The following PRKG1 variants were observed in gnomAD, a reference collection of about 807,000 sequenced individuals.
PRKG1 encodes protein kinase cGMP-dependent 1, also known as cGMP-dependent protein kinase 1.
Under a neutral mutation model 88.1 loss-of-function variants are expected in PRKG1, and 35 were observed. The observed-to-expected ratio is 0.40, with a 90% confidence interval of 0.30 to 0.53. The LOEUF (loss-of-function observed/expected upper bound fraction) is 0.53, where lower values mean the gene tolerates loss of function less well. PRKG1 is among the 20% of genes least tolerant of loss of function. The pLI, the probability that PRKG1 is intolerant of heterozygous loss-of-function variation, is 0.59. For synonymous variants in PRKG1, 303 were observed against 292.5 expected, an observed-to-expected ratio of 1.04 and a Z score of -0.37; for missense variants, 540 against 839.8, an observed-to-expected ratio of 0.64 and a Z score of 4.41.
chr10:51,406,301 G>C (rs1837911702), intron 2 of PRKG1, among the ~76,000 whole-genome samples: 1 of 152,172 alleles, frequency 6.6e-6, no homozygotes, highest in Non-Finnish European at 1.5e-5. Context: ...CCTGGCTCAG[G>C]TGCAGAGGAA....
intron 2 of PRKG1, among the ~76,000 whole-genome samples, chr10:51,316,986 A>T (rs1472566132): frequency 1.3e-5 from 2 of 152,140 alleles, no homozygotes; most frequent in Non-Finnish European, 2.9e-5. Context: ...TCCCACACAC[A>T]ATCTGCAGGC....
intron 2 of PRKG1, among the ~76,000 whole-genome samples, chr10:51,413,581 G>A (rs1325586978): frequency 6.6e-6 from 1 of 151,964 alleles, no homozygotes; most frequent in Non-Finnish European, 1.5e-5. Flanking sequence ...GACTGGTCTC[G>A]AACTCCTGAC....
At chr10:51,332,945 C>CT (rs1455450852) in intron 2 of PRKG1, among the ~76,000 whole-genome samples, 3 of 152,178 alleles carry the variant, frequency 2.0e-5, no homozygotes, top group Non-Finnish European at 4.4e-5. Flanking sequence ...GCAGAGAGTG[C>CT]TATCTCCTTT....
intron 4 of PRKG1, among the ~76,000 whole-genome samples, chr10:51,859,680 T>C (rs1259647245): frequency 6.6e-6 from 1 of 152,168 alleles, no homozygotes; most frequent in African/African-American, 2.4e-5. Context: ...CTTACCACCC[T>C]ACTCCCCAAT....
chr10:51,289,759 A>G (rs1049754928), intron 2 of PRKG1, among the ~76,000 whole-genome samples: 1 of 151,784 alleles, frequency 6.6e-6, no homozygotes, highest in Non-Finnish European at 1.5e-5. Flanking sequence ...TGTGTGTGTA[A>G]TATTTGTAAC....
chr10:52,188,230 GTATATATATACATATATA>G (rs754178731), intron 9 of PRKG1, among the ~76,000 whole-genome samples: 27,147 of 71,644 alleles, frequency 0.38, 4,710 homozygotes, highest in African/African-American at 0.54. Context: ...ATATACATAT[GTATATATATACATATATA>G]TGTGTATATA....
At chr10:51,090,016 T>A (rs921932300) in intron 1 of PRKG1, among the ~76,000 whole-genome samples, 3 of 152,164 alleles carry the variant, frequency 2.0e-5, no homozygotes, top group South Asian at 4.1e-4. Context: ...GCATATACAA[T>A]GGATAGGAGA....
At chr10:51,130,234 T>C (rs1298312656) in intron 1 of PRKG1, among the ~76,000 whole-genome samples, 1 of 152,194 alleles carries the variant, frequency 6.6e-6, no homozygotes, top group East Asian at 1.9e-4. Flanking sequence ...AGTTAGAGAA[T>C]GGCTTCCCTT....
In PRKG1 at chr10:51,292,266, A is replaced by G. The variant is rs1430858275; in HGVS notation, c.478+138936A>G. Among the ~76,000 whole-genome samples the G allele has an allele frequency of 2.0e-5, 3 of 152,120 alleles. No individual in the cohort carries two copies. The South Asian group carries it at 6.2e-4, about 32-fold the overall frequency. ...ACTCTGGGTTTAACATCTTCCATAA[A>G]TTAGGAAGAACACTGTCCACAATCT... On this transcript the variant is annotated intron_variant, in intron 2 of 17. Transcript: ENST00000373980.
intron 2 of PRKG1, among the ~76,000 whole-genome samples, chr10:51,333,049 A>G (rs1841782315): frequency 2.6e-5 from 4 of 152,238 alleles, no homozygotes; most frequent in African/African-American, 7.2e-5. Flanking sequence ...ACTTGCCACA[A>G]GCCACAAAAC....
rs1344740422 is a variant in PRKG1 at position 51,813,878 on chromosome 10, GT to G, written c.698+9190del. 5.9e-5 allele frequency among the ~76,000 whole-genome samples: 9 copies of G among 152,030 alleles called. 1 individual carries two copies. Among genetic ancestry groups the G allele is most frequent in the African/African-American group, 2.2e-4 (9 of 41,466 alleles). ...CCTTCCTCTCACCCCTCTAGAATAT[GT>G]TCTCAAAAAAATGCTCAGTAATAGC... On this transcript the variant is annotated intron_variant, in intron 4 of 17. Transcript: ENST00000373980.
chr10:51,617,694 C>T (rs1839096813), intron 3 of PRKG1, among the ~76,000 whole-genome samples: 1 of 152,148 alleles, frequency 6.6e-6, no homozygotes, highest in Admixed American at 6.5e-5. Flanking sequence ...CATCTGTGTG[C>T]CACTACATTC....
chr10:51,065,247 T>C (rs1246273539), intron 1 of PRKG1, among the ~76,000 whole-genome samples: 5 of 152,094 alleles, frequency 3.3e-5, no homozygotes, highest in African/African-American at 7.2e-5. Context: ...AAACTGTTGA[T>C]CCTGTAGACA....
At chr10:51,655,676 C>A (rs1840144295) in intron 3 of PRKG1, among the ~76,000 whole-genome samples, 2 of 152,072 alleles carry the variant, frequency 1.3e-5, no homozygotes, top group Non-Finnish European at 2.9e-5. Flanking sequence ...CTACTTTAGT[C>A]TCTCATTATA....
At chr10:51,727,275 A>C (rs958750132) in intron 3 of PRKG1, among the ~76,000 whole-genome samples, 7 of 139,170 alleles carry the variant, frequency 5.0e-5, no homozygotes, top group Non-Finnish European at 9.1e-5. Flanking sequence ...ACCCCATTGC[A>C]AAAAAAAAAA....
chr10:51,800,614 C>T (rs1275925583), intron 3 of PRKG1, among the ~76,000 whole-genome samples: 1 of 152,020 alleles, frequency 6.6e-6, no homozygotes, highest in Non-Finnish European at 1.5e-5. Flanking sequence ...TAAGTGGGAC[C>T]ACTGTAAATC....
chr10:51,975,111 T>G (rs1843797930), intron 5 of PRKG1, among the ~76,000 whole-genome samples: 1 of 152,130 alleles, frequency 6.6e-6, no homozygotes, highest in South Asian at 2.1e-4. Context: ...CTGAGTGCAT[T>G]AAATGTGTTA....
At chr10:51,820,028 C>A (rs1486442300) in intron 4 of PRKG1, among the ~76,000 whole-genome samples, 1 of 152,058 alleles carries the variant, frequency 6.6e-6, no homozygotes. Context: ...CAATGTTCAA[C>A]TTATAAATTA....
chr10:51,974,774 T>A (rs1309407053), intron 5 of PRKG1, among the ~76,000 whole-genome samples: 6 of 152,162 alleles, frequency 3.9e-5, no homozygotes, highest in Admixed American at 3.3e-4. Flanking sequence ...CTTGTATCTC[T>A]TATGACACTG....
Sources: gnomAD v4.1 joint callset for allele counts (sites outside exome capture counted in the v4.1 genomes callset) on GRCh38, gnomAD v4.1.1 for gene constraint, MANE v1.5 for transcripts, NCBI Gene and HGNC (gene_info 2026-07-23, HGNC 2026-07-21) for gene names.